The following USH2A variants were observed in gnomAD, a reference collection of about 807,000 sequenced individuals.
USH2A encodes usherin, also known as Usher syndrome 2A (autosomal recessive, mild).
A neutral mutation model predicts 538.9 loss-of-function variants in USH2A; 443 were observed. The ratio of observed to expected loss-of-function variants is 0.82; its 90% confidence interval spans 0.76 to 0.89. The LOEUF (loss-of-function observed/expected upper bound fraction) is 0.89. Among genes scored for constraint, USH2A ranks in the 40% least tolerant of loss-of-function variants. USH2A has a pLI of 0.00. For missense variants in USH2A, 6,633 were observed against 6,324.8 expected (o/e 1.05, Z -1.65); for synonymous variants, 2,413 against 2,273.5 (o/e 1.06, Z -1.75).
At chr1:216,105,437 C>T (rs2032707769) in intron 21 of USH2A, among the ~76,000 whole-genome samples, 1 of 151,990 alleles carries the variant, frequency 6.6e-6, no homozygotes. Context: ...ACTGCCTTAC[C>T]TCTATCAAAT....
intron 54 of USH2A, among the ~76,000 whole-genome samples, chr1:215,781,474 A>C (rs1661633058): frequency 6.6e-6 from 1 of 152,080 alleles, no homozygotes. Flanking sequence ...TATTTCTGTA[A>C]ATATAATTGA....
intron 3 of USH2A, among the ~76,000 whole-genome samples, chr1:216,383,892 C>A (rs1321676948): frequency 7.2e-6 from 1 of 138,544 alleles, no homozygotes; most frequent in Non-Finnish European, 1.5e-5. Flanking sequence ...GTAGAGATGA[C>A]GTCTTGCTAT....
intron 20 of USH2A, among the ~76,000 whole-genome samples, chr1:216,176,202 G>A (rs975701548): frequency 6.6e-5 from 10 of 151,974 alleles, no homozygotes; most frequent in African/African-American, 2.4e-4. Flanking sequence ...CTACACCATA[G>A]GCAATGTGCC....
intron 3 of USH2A, among the ~76,000 whole-genome samples, chr1:216,415,727 A>C (rs1366316401): frequency 4.0e-5 from 6 of 151,728 alleles, no homozygotes; most frequent in African/African-American, 1.5e-4. Context: ...AGGTTTTGCC[A>C]TGTTGCCCAG....
chr1:216,357,852 T>C (rs1310479522), intron 4 of USH2A, among the ~76,000 whole-genome samples: 1 of 152,186 alleles, frequency 6.6e-6, no homozygotes, highest in African/African-American at 2.4e-5. Context: ...CATAACTACA[T>C]ATCTGCTAAC....
intron 41 of USH2A, among the ~76,000 whole-genome samples, chr1:215,879,771 G>T (rs1271353978): frequency 6.6e-6 from 1 of 152,212 alleles, no homozygotes; most frequent in Non-Finnish European, 1.5e-5. Flanking sequence ...TTTTGTAGTA[G>T]AATTCTAGAA....
intron 71 of USH2A, among the ~76,000 whole-genome samples, chr1:215,628,176 AC>A (rs1656127528): frequency 6.6e-6 from 1 of 152,092 alleles, no homozygotes; most frequent in South Asian, 2.1e-4. Context: ...CAAAAAAAGT[AC>A]CTTTTTGTTT....
intron 35 of USH2A, among the ~76,000 whole-genome samples, chr1:215,981,146 T>A (rs1667743324): frequency 6.6e-6 from 1 of 152,160 alleles, no homozygotes; most frequent in Admixed American, 6.5e-5. Flanking sequence ...AATGGTATCT[T>A]GTTTGGGTAT....
chr1:215,751,307 A>G (rs1660614701), intron 58 of USH2A, among the ~76,000 whole-genome samples: 1 of 152,164 alleles, frequency 6.6e-6, no homozygotes, highest in South Asian at 2.1e-4. Context: ...ATTCTTGCTA[A>G]TTCCTTCTTT....
At chr1:216,237,507 A>AG (rs1392983077) in intron 13 of USH2A, among the ~76,000 whole-genome samples, 3 of 151,544 alleles carry the variant, frequency 2.0e-5, no homozygotes, top group Admixed American at 2.0e-4. Context: ...AAAAAAAAAA[A>AG]AAAAAAAGAA....
chr1:215,650,796 C>T lies in USH2A; in HGVS notation c.14139G>A (p.Trp4713Ter). 2 of 1,612,702 alleles carry T rather than the reference C, an allele frequency of 1.2e-6. No individual in the cohort carries two copies. Among genetic ancestry groups the T allele is most frequent in the Non-Finnish European group, 1.7e-6 (2 of 1,179,818 alleles). Reference protein sequence around the residue: ...LPFTEYEYQVWAVNSAGKAPS... With the variant: ...LPFTEYEYQV Reference sequence around the variant, plus strand: ...GGGCTTTTCCTGCAGAATTCACTGCCCAGACCTCCAAAGAGAAATCAACAA... The same window carrying T: ...GGGCTTTTCCTGCAGAATTCACTGCTCAGACCTCCAAAGAGAAATCAACAA... The change falls in exon 65 of 72, where the codon TGG (tryptophan) becomes TGA (stop). Residue 4713 changes from tryptophan (W) to a stop codon, truncating the protein, a stop_gained. Coordinates refer to ENST00000307340, the MANE Select transcript of USH2A (RefSeq NM_206933.4). LOFTEE classifies it high-confidence loss of function.
chr1:215,841,526 T>A (rs567150965), intron 46 of USH2A, among the ~76,000 whole-genome samples: 2 of 152,168 alleles, frequency 1.3e-5, no homozygotes, highest in African/African-American at 4.8e-5. Flanking sequence ...CTTCCTTACA[T>A]CTTATACAAA....
At chr1:216,393,757 T>C (rs1237927071) in intron 3 of USH2A, among the ~76,000 whole-genome samples, 2 of 152,096 alleles carry the variant, frequency 1.3e-5, no homozygotes, top group African/African-American at 4.8e-5. Flanking sequence ...TACATGAGGA[T>C]GCTGAAAAGT....
At chr1:215,900,046 T>C in intron 40 of USH2A, 29 bp downstream of exon 40, 1 of 1,613,362 alleles carries the variant, frequency 6.2e-7, no homozygotes, top group Non-Finnish European at 8.5e-7. Flanking sequence ...GTAGAAGACA[T>C]TTGGCTGTGT....
rs544067174 is a variant in USH2A at position 216,212,573 on chromosome 1, A to G, written c.3157+4814T>C. Among the ~76,000 whole-genome samples, 14 of 152,124 alleles carry G rather than the reference A, an allele frequency of 9.2e-5. No homozygotes were observed. The East Asian group carries it at 1.5e-3, about 17-fold the overall frequency. On this transcript the variant is annotated intron_variant, in intron 15 of 71. Transcript: ENST00000307340. Reference sequence around the variant, plus strand: ...CCAGCTTTGGAACTTTGGTAGTTGTATGATTATAGTCAAATATTGATTGGA... The same window carrying G: ...CCAGCTTTGGAACTTTGGTAGTTGTGTGATTATAGTCAAATATTGATTGGA...
At chr1:215,750,502 T>G (rs1010214348) in intron 58 of USH2A, among the ~76,000 whole-genome samples, 1 of 152,142 alleles carries the variant, frequency 6.6e-6, no homozygotes, top group African/African-American at 2.4e-5. Flanking sequence ...TTACATCTCA[T>G]GAAGTTTTGA....
At chr1:216,339,089 A>G (rs192109133) in intron 4 of USH2A, among the ~76,000 whole-genome samples, 1 of 151,784 alleles carries the variant, frequency 6.6e-6, no homozygotes, top group Admixed American at 6.6e-5. Context: ...TCTTCTATAA[A>G]TTATATAAAG....
rs1383727723 is a variant in USH2A at position 216,373,730 on chromosome 1, C to T, written c.652-8645G>A. ...CCCAAAAAGTCTTTTATAGAAAAAA[C>T]ACCTCCAGCCCCAAATCACATGTTG... On this transcript the variant is annotated intron_variant, in intron 3 of 71. Coordinates refer to ENST00000307340, the MANE Select transcript of USH2A (RefSeq NM_206933.4). Among the ~76,000 whole-genome samples, 3 of 151,222 alleles carry T rather than the reference C, an allele frequency of 2.0e-5. No individual in the cohort carries two copies. The Admixed American group carries it at 2.0e-4, about 10-fold the overall frequency.
At chr1:215,889,313 CT>C (rs1665148738) in intron 40 of USH2A, among the ~76,000 whole-genome samples, 1 of 152,072 alleles carries the variant, frequency 6.6e-6, no homozygotes, top group African/African-American at 2.4e-5. Flanking sequence ...AAAATCATGT[CT>C]TTTTATTCAA....
Sources: gnomAD v4.1 joint callset for allele counts (sites outside exome capture counted in the v4.1 genomes callset) on GRCh38, gnomAD v4.1.1 for gene constraint, MANE v1.5 for transcripts, NCBI Gene and HGNC (gene_info 2026-07-23, HGNC 2026-07-21) for gene names.